MDGA2: variants seen among roughly 807,000 people sequenced by gnomAD.
MDGA2 encodes the protein MAM domain-containing glycosylphosphatidylinositol anchor protein 2.
In MDGA2, 40 loss-of-function variants were observed where a neutral mutation model predicts 117.8. The observed-to-expected ratio is 0.34, with a 90% confidence interval of 0.26 to 0.44. MDGA2 has a LOEUF of 0.44. Ranked by LOEUF, MDGA2 falls within the 20% of genes least tolerant of loss-of-function variation. MDGA2 has a pLI of 1.00. For synonymous variants in MDGA2, 452 were observed against 439.0 expected, an observed-to-expected ratio of 1.03 and a Z score of -0.37; for missense variants, 1,123 against 1,250.6, an observed-to-expected ratio of 0.90 and a Z score of 1.54.
chr14:47,509,574 CAG>C (rs1280417780), intron 1 of MDGA2, among the ~76,000 whole-genome samples: 1 of 152,154 alleles, frequency 6.6e-6, no homozygotes, highest in Admixed American at 6.5e-5. Flanking sequence ...GGGACCTAGA[CAG>C]AGAGCCACTG....
At chr14:47,538,050 A>C (rs1895260221) in intron 1 of MDGA2, among the ~76,000 whole-genome samples, 1 of 152,234 alleles carries the variant, frequency 6.6e-6, no homozygotes. Context: ...AGATTCAGAT[A>C]AATAGAACCT....
intron 9 of MDGA2, among the ~76,000 whole-genome samples, chr14:46,927,477 G>A (rs1273802146): frequency 6.6e-6 from 1 of 152,102 alleles, no homozygotes; most frequent in African/African-American, 2.4e-5. Flanking sequence ...TAAGATGAAT[G>A]TCATAGCAGC....
At chr14:47,537,579 A>G (rs961691303) in intron 1 of MDGA2, among the ~76,000 whole-genome samples, 1 of 18,700 alleles carries the variant, frequency 5.3e-5, no homozygotes, top group African/African-American at 2.5e-4. Context: ...TCTGTTAAAA[A>G]AAAAAAAAAA....
chr14:47,513,168 T>C (rs1255339697), intron 1 of MDGA2, among the ~76,000 whole-genome samples: 1 of 152,140 alleles, frequency 6.6e-6, no homozygotes, highest in Admixed American at 6.6e-5. Context: ...GTAAAGCTCA[T>C]GATGAAAGAA....
At chr14:47,255,369 T>C (rs1263625096) in intron 2 of MDGA2, among the ~76,000 whole-genome samples, 2 of 152,132 alleles carry the variant, frequency 1.3e-5, no homozygotes, top group African/African-American at 4.8e-5. Context: ...ACTGACTGTG[T>C]GCCTTACAGG....
intron 8 of MDGA2, among the ~76,000 whole-genome samples, chr14:47,008,938 C>A (rs1308322605): frequency 6.6e-6 from 1 of 151,874 alleles, no homozygotes; most frequent in Non-Finnish European, 1.5e-5. Flanking sequence ...TCTTACTCAG[C>A]AAATTAAGTG....
chr14:47,127,972 G>A (rs2139133312), intron 5 of MDGA2, among the ~76,000 whole-genome samples: 1 of 152,116 alleles, frequency 6.6e-6, no homozygotes, highest in East Asian at 1.9e-4. Flanking sequence ...CCATCTCTGT[G>A]AAAACTAAGA....
At chr14:47,612,896 T>G (rs1896878708) in intron 1 of MDGA2, among the ~76,000 whole-genome samples, 1 of 152,204 alleles carries the variant, frequency 6.6e-6, no homozygotes, top group African/African-American at 2.4e-5. Flanking sequence ...ACTTAAAAGC[T>G]GATCAAGTTT....
intron 2 of MDGA2, among the ~76,000 whole-genome samples, chr14:47,246,901 A>G (rs1204715861): frequency 6.6e-6 from 1 of 151,168 alleles, no homozygotes; most frequent in African/African-American, 2.4e-5. Flanking sequence ...GTGAGGCTGC[A>G]GTCCTTGGTT....
At chr14:47,509,107 G>C (rs1894584120) in intron 1 of MDGA2, among the ~76,000 whole-genome samples, 1 of 152,120 alleles carries the variant, frequency 6.6e-6, no homozygotes. Flanking sequence ...ACACACAAGA[G>C]AACATGAGAA....
At chr14:47,608,518 CA>C (rs1318201565) in intron 1 of MDGA2, among the ~76,000 whole-genome samples, 2 of 152,056 alleles carry the variant, frequency 1.3e-5, no homozygotes, top group Non-Finnish European at 2.9e-5. Flanking sequence ...TGGGTGAATG[CA>C]CGTCCATATA....
At chr14:47,245,903 A>G (rs1286582404) in intron 2 of MDGA2, among the ~76,000 whole-genome samples, 1 of 151,766 alleles carries the variant, frequency 6.6e-6, no homozygotes, top group Non-Finnish European at 1.5e-5. Context: ...CTCATTTAAT[A>G]CTCACAACAA....
chr14:47,544,282 A>T (rs1486825391), intron 1 of MDGA2, among the ~76,000 whole-genome samples: 2 of 152,198 alleles, frequency 1.3e-5, no homozygotes, highest in African/African-American at 4.8e-5. Flanking sequence ...GTTAAAGTGC[A>T]TTTTACTAAC....
At chr14:47,109,543 G>T (rs1218541543) in intron 5 of MDGA2, among the ~76,000 whole-genome samples, 2 of 152,130 alleles carry the variant, frequency 1.3e-5, no homozygotes, top group Non-Finnish European at 2.9e-5. Flanking sequence ...AAGAGTATTT[G>T]ACAAAGAATA....
chr14:47,164,075 T>C (rs2139288649), intron 3 of MDGA2, among the ~76,000 whole-genome samples: 1 of 152,350 alleles, frequency 6.6e-6, no homozygotes, highest in East Asian at 1.9e-4. Flanking sequence ...ATTTGTTTAG[T>C]TAGTAGGTGA....
intron 1 of MDGA2, among the ~76,000 whole-genome samples, chr14:47,666,822 G>A (rs1170565074): frequency 6.6e-6 from 1 of 152,126 alleles, no homozygotes; most frequent in African/African-American, 2.4e-5. Context: ...TCACTGCGAA[G>A]GTCTACACAG....
At chr14:47,482,373 T>C (rs937190346) in intron 1 of MDGA2, among the ~76,000 whole-genome samples, 5 of 152,038 alleles carry the variant, frequency 3.3e-5, no homozygotes, top group African/African-American at 4.8e-5. Flanking sequence ...ATTCAATTTC[T>C]TCTCAACAGT....
intron 1 of MDGA2, among the ~76,000 whole-genome samples, chr14:47,373,512 T>A (rs1269756382): frequency 6.6e-6 from 1 of 152,108 alleles, no homozygotes; most frequent in Non-Finnish European, 1.5e-5. Flanking sequence ...ACAGCATCAG[T>A]GAACCTTGAA....
intron 15 of MDGA2, among the ~76,000 whole-genome samples, chr14:46,850,401 T>C (rs1190217228): frequency 6.6e-6 from 1 of 151,810 alleles, no homozygotes; most frequent in East Asian, 1.9e-4. Context: ...TTCTGATGAT[T>C]TGCCTTCATT....
Sources: allele counts gnomAD v4.1 joint callset (sites outside exome capture counted in the v4.1 genomes callset), GRCh38; gene constraint gnomAD v4.1.1; transcripts MANE v1.5; gene names NCBI Gene and HGNC (gene_info 2026-07-23, HGNC 2026-07-21).